AJM1: variants seen among roughly 807,000 people sequenced by gnomAD.
AJM1 encodes the protein apical junction component 1 homolog.
AJM1 carries 22 observed loss-of-function variants against 43.0 expected under a neutral mutation model. The ratio of observed to expected loss-of-function variants is 0.51; its 90% CI spans 0.37 to 0.73. The LOEUF (loss-of-function observed/expected upper bound fraction) is 0.73. AJM1 is among the 30% of genes least tolerant of loss of function. The pLI, the probability that AJM1 is intolerant of heterozygous loss-of-function variation, is 0.00. For missense variants in AJM1, 1,305 were observed against 1,343.3 expected (o/e 0.97, Z 0.45); for synonymous variants, 719 against 638.3 (o/e 1.13, Z -1.91).
chr9:136,844,526 C>G lies in AJM1; in HGVS notation c.112C>G (p.Arg38Gly). The G allele has an allele frequency of 6.2e-7, 1 of 1,607,818 alleles. No homozygotes were observed. Among genetic ancestry groups the G allele is most frequent in the Non-Finnish European group, 8.5e-7 (1 of 1,178,318 alleles). The change falls in exon 3 of 3, where the codon CGG (arginine) becomes GGG (glycine). Residue 38 changes from arginine to glycine, a missense_variant. Coordinates refer to ENST00000436881, the MANE Select transcript of AJM1 (RefSeq NM_001080482.5). ...KCSPCERSVA[R>G]PAEPAPFNKR... ...CTCGCCATGTGAGCGATCCGTGGCC[C>G]GGCCTGCTGAGCCCGCGCCTTTCAA...
At position 136,846,546 on chromosome 9, in the gene AJM1, T is replaced by C. The variant is rs1253014296; in HGVS notation, c.2132T>C (p.Val711Ala). 6.3e-7 allele frequency: 1 copy of C among 1,594,238 alleles called. No homozygotes were observed. The highest frequency in any genetic ancestry group is 8.5e-7 in the Non-Finnish European group (1 of 1,177,902). The change falls in exon 3 of 3, where the codon GTG becomes GCG. Residue 711 changes from valine to alanine, a missense_variant. This residue lies in a region of AJM1 where 391 missense variants were observed against 507.5 expected (regional missense o/e 0.77). Transcript: ENST00000436881. ...EDWDAHKARC[V>A]YGRVGSVCRH... ...TGGGACGCCCACAAGGCGCGCTGCG[T>C]GTACGGCCGCGTGGGCAGCGTGTGC...
rs2131217843 is a variant in AJM1, at chr9:136,846,147, A to G, written c.1733A>G (p.Glu578Gly). 1.3e-6 allele frequency: 2 copies of G among 1,528,350 alleles called. No individual in the cohort carries two copies. Among genetic ancestry groups the G allele is most frequent in the Middle Eastern group, 2.3e-4 (1 of 4,398 alleles). The allele number at this position is 1,528,350 out of a possible 1,614,324, so 94.7% of individuals were successfully genotyped here. ...GPTSGRQRSL[E>G]QLDELITDLV... ...ACCTCTGGCCGCCAGCGGAGCCTAGAGCAGCTGGACGAGCTCATCACGGAC... is the reference window on the plus strand; with the variant it reads ...ACCTCTGGCCGCCAGCGGAGCCTAGGGCAGCTGGACGAGCTCATCACGGAC... Residue 578 changes from glutamate (E) to glycine (G), a missense_variant, in exon 3 of 3, where the codon GAG (glutamate) becomes GGG (glycine). Physicochemically the swap from Glu to Gly is moderately conservative, Grantham distance 98 (BLOSUM62 -2). Around this residue, in one of 6 missense-constraint regions of AJM1, gnomAD observed 391 missense variants for 507.5 expected, o/e 0.77. Coordinates refer to ENST00000436881, the MANE Select transcript of AJM1 (RefSeq NM_001080482.5).
At position 136,845,578 on chromosome 9, in the gene AJM1, G is replaced by C; in HGVS notation, c.1164G>C (p.Leu388=). Residue 388 remains leucine (L), a synonymous_variant, in exon 3 of 3, where the codon CTG becomes CTC. Transcript: ENST00000436881. ...DFGRYRERDV[L]ARTYPHPRSS... ...GAAGGTACCGCGAGCGTGACGTCCT[G>C]GCTCGGACGTACCCGCACCCGCGCA... is the stretch of plus-strand genomic sequence containing the variant. 6.3e-7 allele frequency: 1 copy of C among 1,587,734 alleles called. No individual in the cohort carries two copies. The highest frequency in any genetic ancestry group is 8.5e-7 in the Non-Finnish European group (1 of 1,170,496).
chr9:136,843,272 C>A (rs1366891408), intron 1 of AJM1, among the ~76,000 whole-genome samples: 1 of 152,232 alleles, frequency 6.6e-6, no homozygotes, highest in South Asian at 2.1e-4. Context: ...CACTCTCTGA[C>A]GCACCCCCCA....
In AJM1 at chr9:136,847,584, C is replaced by T. The variant is rs566649248; in HGVS notation, c.*239C>T. On this transcript the variant is annotated 3_prime_UTR_variant, in exon 3 of 3. Coordinates refer to ENST00000436881, the MANE Select transcript of AJM1 (RefSeq NM_001080482.5). ...CGTAGTGTTCCTCACAGGCCCTTCG[C>T]CTTCCCACCCCCAGCAACCCCTCTC... 1 of 410,208 alleles carries T rather than the reference C, an allele frequency of 2.4e-6. No individual in the cohort carries two copies. The highest frequency in any genetic ancestry group is 2.1e-5 in the African/African-American group (1 of 48,394). 25.4% of individuals were successfully genotyped at this position (410,208 alleles called of 1,614,324 possible).
rs1221214146 is a variant in AJM1 at position 136,844,583 on chromosome 9, G to C, written c.169G>C (p.Glu57Gln). ...CCACTGCCGCAGCTTCGACTTCCTGGAGGCGCTGGACGGGCCGGCCATGGA... is the reference window on the plus strand; with the variant it reads ...CCACTGCCGCAGCTTCGACTTCCTGCAGGCGCTGGACGGGCCGGCCATGGA... ...KRHCRSFDFLEALDGPAMETL... is the reference protein window; with the variant it reads ...KRHCRSFDFLQALDGPAMETL... Residue 57 changes from glutamate to glutamine, a missense_variant, in exon 3 of 3, where the codon GAG (glutamate) becomes CAG (glutamine). Physicochemically the swap from Glu to Gln is conservative, Grantham distance 29. Coordinates refer to ENST00000436881, the MANE Select transcript of AJM1 (RefSeq NM_001080482.5). The C allele has an allele frequency of 1.3e-6, 2 of 1,593,296 alleles. No homozygotes were observed. Among genetic ancestry groups the C allele is most frequent in the African/African-American group, 1.3e-5 (1 of 74,332 alleles).
At position 136,847,469 on chromosome 9, in the gene AJM1, A is replaced by G. The variant is rs934779075; in HGVS notation, c.*124A>G. On this transcript the variant is annotated 3_prime_UTR_variant, in exon 3 of 3. Coordinates refer to ENST00000436881, the MANE Select transcript of AJM1 (RefSeq NM_001080482.5). ...CCAGGGCCCCACCCCGACTTCTTCTAGGCCCCGCCTCTAATTCCCCAGCCT... is the reference window on the plus strand; with the variant it reads ...CCAGGGCCCCACCCCGACTTCTTCTGGGCCCCGCCTCTAATTCCCCAGCCT... 1.1e-4 allele frequency: 79 copies of G among 719,474 alleles called. No homozygotes were observed. In the Middle Eastern group the frequency reaches 2.1e-3, roughly 19 times the overall value. 44.6% of individuals were successfully genotyped at this position (719,474 alleles called of 1,614,324 possible). A position where few individuals can be genotyped will look rare whatever the true frequency, so the allele number is the denominator to read the frequency against.
chr9:136,843,507 C>T (rs1848730025), intron 1 of AJM1, among the ~76,000 whole-genome samples: 1 of 152,256 alleles, frequency 6.6e-6, no homozygotes, highest in Non-Finnish European at 1.5e-5. Context: ...GCCACGAGCT[C>T]GCGGCTCGAT....
chr9:136,845,317 C>T lies in AJM1; in HGVS notation c.903C>T (p.Thr301=), dbSNP rs749415108. The change falls in exon 3 of 3, where the codon ACC becomes ACT. Residue 301 remains threonine, a synonymous_variant. Transcript: ENST00000436881. ...GCTTTGCAGCCAGTCCCGGCCCAAC[C>T]TTCGACGCCTACTACCCCAGGCCCT... ...RGSFAASPGP[T]FDAYYPRPYP... 1 of 1,612,116 alleles carries T rather than the reference C, an allele frequency of 6.2e-7. No homozygotes were observed. Among genetic ancestry groups the T allele is most frequent in the Non-Finnish European group, 8.5e-7 (1 of 1,179,812 alleles).
chr9:136,847,061 G>C lies in AJM1; in HGVS notation c.2647G>C (p.Gly883Arg). The C allele has an allele frequency of 7.1e-7, 1 of 1,414,418 alleles. No homozygotes were observed. The highest frequency in any genetic ancestry group is 9.5e-7 in the Non-Finnish European group (1 of 1,058,022). 87.6% of individuals were successfully genotyped at this position (1,414,418 alleles called of 1,614,324 possible). A position where few individuals can be genotyped will look rare whatever the true frequency, so the allele number is the denominator to read the frequency against. Reference protein sequence around the residue: ...LILTPPPGTAGLDQDGEAGRR... With the variant: ...LILTPPPGTARLDQDGEAGRR... ...CCTGACGCCACCGCCGGGCACGGCG[G>C]GCCTGGATCAGGACGGCGAGGCGGG... The change falls in exon 3 of 3, where the codon GGC becomes CGC. Residue 883 changes from glycine (G) to arginine (R), a missense_variant. This residue lies in a region of AJM1 where 391 missense variants were observed against 507.5 expected (regional missense o/e 0.77). Transcript: ENST00000436881.
Position 136,844,827 on chromosome 9 carries a change from C to T in AJM1, c.413C>T (p.Ala138Val), listed in dbSNP as rs1325304789. 8.9e-6 allele frequency: 2 copies of T among 225,898 alleles called. No individual in the cohort carries two copies. The highest frequency in any genetic ancestry group is 1.6e-4 in the East Asian group (1 of 6,410). 14.0% of individuals were successfully genotyped at this position (225,898 alleles called of 1,614,324 possible). A position where few individuals can be genotyped will look rare whatever the true frequency, so the allele number is the denominator to read the frequency against. ...CCGCGCCGGGAGCCCGCGTACCCGG[C>T]GCTCCGCGCCCTTGCCAACGAGCTG... is the stretch of plus-strand genomic sequence containing the variant. ...ASPRREPAYP[A>V]LRALANELHP... The change falls in exon 3 of 3, where the codon GCG (alanine) becomes GTG (valine). Residue 138 changes from alanine to valine, a missense_variant. Ala to Val is a moderately conservative substitution (Grantham distance 64, BLOSUM62 0). Transcript: ENST00000436881.
Position 136,847,240 on chromosome 9 carries a change from G to C in AJM1, c.2826G>C (p.Thr942=). 6.2e-7 allele frequency: 1 copy of C among 1,604,074 alleles called. No individual in the cohort carries two copies. The highest frequency in any genetic ancestry group is 8.5e-7 in the Non-Finnish European group (1 of 1,178,256). The change falls in exon 3 of 3, where the codon ACG becomes ACC. Residue 942 remains threonine, a synonymous_variant. Coordinates refer to ENST00000436881, the MANE Select transcript of AJM1 (RefSeq NM_001080482.5). ...RRFTPTTIYP[T]DRRTGRPFMC... ...TCACGCCCACCACCATCTACCCCAC[G>C]GACCGGCGCACCGGCCGCCCCTTCA...
At position 136,847,096 on chromosome 9, in the gene AJM1, G is replaced by T. The variant is rs776670031; in HGVS notation, c.2682G>T (p.Ala894=). 20 of 1,516,012 alleles carry T rather than the reference G, an allele frequency of 1.3e-5. No homozygotes were observed. The South Asian group carries it at 2.4e-4, about 18-fold the overall frequency. The allele number at this position is 1,516,012 out of a possible 1,614,324, so 93.9% of individuals were successfully genotyped here. ...AGGACGGCGAGGCGGGCCGGCGCGC[G>T]CGCGAGGTGGCCTTCATCCACATCC... ...LDQDGEAGRR[A]REVAFIHIQR... The change falls in exon 3 of 3, where the codon GCG becomes GCT. Residue 894 remains alanine (A), a synonymous_variant. Transcript: ENST00000436881.
In AJM1 at chr9:136,845,699, G is replaced by T; in HGVS notation, c.1285G>T (p.Gly429Cys). ...CGACCCGTTGCTCGCCTCCTGGCAC[G>T]GCGGCACCGGCACCAGTCCGCCCCG... ...DPDPLLASWH[G>C]GTGTSPPRLA... The change falls in exon 3 of 3, where the codon GGC (glycine) becomes TGC (cysteine). Residue 429 changes from glycine (G) to cysteine (C), a missense_variant. Around this residue, in one of 6 missense-constraint regions of AJM1, gnomAD observed 653 missense variants for 549.1 expected, o/e 1.19. Coordinates refer to ENST00000436881, the MANE Select transcript of AJM1 (RefSeq NM_001080482.5). The T allele has an allele frequency of 1.3e-6, 2 of 1,570,142 alleles. No individual in the cohort carries two copies. Among genetic ancestry groups the T allele is most frequent in the South Asian group, 1.1e-5 (1 of 87,274 alleles).
chr9:136,842,895 T>C (rs1273217290), intron 1 of AJM1, among the ~76,000 whole-genome samples: 1 of 151,126 alleles, frequency 6.6e-6, no homozygotes, highest in African/African-American at 2.4e-5. Flanking sequence ...CTCCCTGGGG[T>C]GGAGCCTCAC....
Position 136,845,869 on chromosome 9 carries a change from C to T in AJM1, c.1455C>T (p.Pro485=), listed in dbSNP as rs757964656. The T allele has an allele frequency of 3.2e-6, 5 of 1,558,614 alleles. No homozygotes were observed. In the South Asian group the frequency reaches 3.5e-5, roughly 11 times the overall value. Reference sequence around the variant, plus strand: ...TGCGGGAGCCGCGAGGCGTGTCCCCCGAAGGCCGGCGCCCGCCCGTCGTCG... The same window carrying T: ...TGCGGGAGCCGCGAGGCGTGTCCCCTGAAGGCCGGCGCCCGCCCGTCGTCG... ...REVREPRGVS[P]EGRRPPVVVN... Residue 485 remains proline (P), a synonymous_variant, in exon 3 of 3, where the codon CCC becomes CCT. Transcript: ENST00000436881.
intron 1 of AJM1, among the ~76,000 whole-genome samples, 90 bp downstream of exon 1, chr9:136,842,679 G>A (rs1588378818): frequency 2.0e-5 from 3 of 152,288 alleles, no homozygotes; most frequent in East Asian, 3.9e-4. Context: ...GGGAGTCCCC[G>A]CCCCCAGGCA....
rs1391037183 is a variant in AJM1 at position 136,848,653 on chromosome 9, T to G, written c.*1308T>G. On this transcript the variant is annotated 3_prime_UTR_variant, in exon 3 of 3. Coordinates refer to ENST00000436881, the MANE Select transcript of AJM1 (RefSeq NM_001080482.5). The stretch of plus-strand genomic sequence containing the variant: ...CGTCTGCACCGGCCAGGCGTCCCGC[T>G]TGCCCACCCGCCGCCGCGCCCCGCG... The G allele has an allele frequency of 6.5e-6, 1 of 152,854 alleles. No homozygotes were observed. Among genetic ancestry groups the G allele is most frequent in the Non-Finnish European group, 1.5e-5 (1 of 68,196 alleles). 9.5% of individuals were successfully genotyped at this position (152,854 alleles called of 1,614,324 possible).
Position 136,846,845 on chromosome 9 carries a change from T to G in AJM1, c.2431T>G (p.Cys811Gly). 6.3e-7 allele frequency: 1 copy of G among 1,582,902 alleles called. No homozygotes were observed. Among genetic ancestry groups the G allele is most frequent in the Non-Finnish European group, 8.5e-7 (1 of 1,173,072 alleles). ...AAGRLYEPAE[C>G]FLLSVSVAVG... is the part of the protein sequence containing the mutation. ...TGGGCGCCTCTACGAACCGGCAGAG[T>G]GCTTCCTGCTCAGCGTGTCCGTGGC... Residue 811 changes from cysteine to glycine, a missense_variant, in exon 3 of 3, where the codon TGC (cysteine) becomes GGC (glycine). Transcript: ENST00000436881.
Sources: gnomAD v4.1 joint callset for allele counts (sites outside exome capture counted in the v4.1 genomes callset) on GRCh38, gnomAD v4.1.1 for gene constraint, gnomAD v4.1.1 regional missense constraint, MANE v1.5 for transcripts, NCBI Gene and HGNC (gene_info 2026-07-23, HGNC 2026-07-21) for gene names.